Variants in MGMT observed in about 807,000 individuals in gnomAD.
MGMT encodes methylated-DNA--protein-cysteine methyltransferase.
MGMT carries 14 observed loss-of-function variants against 15.9 expected under a neutral mutation model. The ratio of observed to expected loss-of-function variants is 0.88; its 90% CI spans 0.58 to 1.37. MGMT has a LOEUF of 1.37. Ranked by LOEUF, MGMT falls within the 40% of genes most tolerant of loss-of-function variation. The probability of loss-of-function intolerance (pLI) is 0.00; values close to 1 mark genes in which losing one functional copy is unlikely to be tolerated. For synonymous variants in MGMT, 130 were observed against 118.2 expected, an observed-to-expected ratio of 1.10 and a Z score of -0.65; for missense variants, 282 against 268.1, an observed-to-expected ratio of 1.05 and a Z score of -0.36.
chr10:129,548,786 G>C (rs1846124472), intron 2 of MGMT, among the ~76,000 whole-genome samples: 1 of 152,132 alleles, frequency 6.6e-6, no homozygotes, highest in Non-Finnish European at 1.5e-5. Flanking sequence ...GCAAATAAGT[G>C]CAAGGACCAT....
intron 2 of MGMT, among the ~76,000 whole-genome samples, chr10:129,616,318 A>G (rs1847026006): frequency 6.6e-6 from 1 of 152,208 alleles, no homozygotes; most frequent in South Asian, 2.1e-4. Context: ...AGAGCCGGAG[A>G]GGCCGCCCAG....
chr10:129,557,023 C>T (rs1017718657), intron 2 of MGMT, among the ~76,000 whole-genome samples: 2 of 152,212 alleles, frequency 1.3e-5, no homozygotes, highest in Admixed American at 6.5e-5. Context: ...GCATGCTCCA[C>T]AGTCAGACTC....
At chr10:129,551,366 G>C (rs534532709) in intron 2 of MGMT, among the ~76,000 whole-genome samples, 2 of 152,260 alleles carry the variant, frequency 1.3e-5, no homozygotes, top group South Asian at 2.1e-4. Flanking sequence ...AAGGTTAATA[G>C]ATAGGTAGGA....
intron 1 of MGMT, among the ~76,000 whole-genome samples, chr10:129,512,829 G>A (rs897014258): frequency 6.6e-6 from 1 of 152,138 alleles, no homozygotes; most frequent in Non-Finnish European, 1.5e-5. Flanking sequence ...AGCTGCTGTG[G>A]GACACTTCTG....
intron 2 of MGMT, among the ~76,000 whole-genome samples, chr10:129,677,058 G>A (rs147256807): frequency 6.6e-5 from 10 of 152,256 alleles, no homozygotes; most frequent in East Asian, 1.9e-4. Flanking sequence ...GGGGCAAAGC[G>A]GCTGATTCTG....
chr10:129,698,938 C>T (rs977654370), intron 2 of MGMT, among the ~76,000 whole-genome samples: 15 of 152,314 alleles, frequency 9.8e-5, no homozygotes, highest in Admixed American at 8.5e-4. Context: ...GTGCTTAAGC[C>T]TCATGGGCTT....
At chr10:129,616,893 T>TCGCTTGA (rs1847033972) in intron 2 of MGMT, among the ~76,000 whole-genome samples, 2 of 152,158 alleles carry the variant, frequency 1.3e-5, no homozygotes, top group South Asian at 4.1e-4. Context: ...TCATGGTCAC[T>TCGCTTGA]CGCTTGACGA....
At chr10:129,643,826 CA>C (rs1214828170) in intron 2 of MGMT, among the ~76,000 whole-genome samples, 1 of 152,190 alleles carries the variant, frequency 6.6e-6, no homozygotes, top group Non-Finnish European at 1.5e-5. Flanking sequence ...ATGCTTTTTA[CA>C]TTGACTTTTG....
Position 129,558,913 on chromosome 10 carries a change from G to C in MGMT, c.125+22536G>C, listed in dbSNP as rs74160226. 6.8e-3 allele frequency among the ~76,000 whole-genome samples: 1,033 copies of C among 152,276 alleles called. 17 individuals carry two copies. The highest frequency in any genetic ancestry group is 0.024 in the African/African-American group (998 of 41,544). On this transcript the variant is annotated intron_variant, in intron 2 of 4. Transcript: ENST00000651593. ...TAGGAAGCTGCATCCCCGACGCCGG[G>C]CTGGTCTGTTCTGCTCTGGGGGCGG...
intron 2 of MGMT, among the ~76,000 whole-genome samples, chr10:129,653,628 C>T (rs1227364450): frequency 2.0e-5 from 3 of 152,248 alleles, no homozygotes; most frequent in Non-Finnish European, 4.4e-5. Context: ...CAGCACTGGA[C>T]TGGCCCACCC....
chr10:129,705,215 C>T (rs1205417001), intron 2 of MGMT, among the ~76,000 whole-genome samples: 1 of 152,236 alleles, frequency 6.6e-6, no homozygotes, highest in Non-Finnish European at 1.5e-5. Context: ...TAGGCATTTA[C>T]TCAGGCAGAA....
chr10:129,596,030 C>T (rs1324481294), intron 2 of MGMT, among the ~76,000 whole-genome samples: 1 of 152,122 alleles, frequency 6.6e-6, no homozygotes, highest in Non-Finnish European at 1.5e-5. Context: ...AGTCAGACTA[C>T]GGAGGCTTGA....
intron 2 of MGMT, among the ~76,000 whole-genome samples, chr10:129,619,848 A>G (rs1243549185): frequency 2.0e-5 from 3 of 152,110 alleles, no homozygotes; most frequent in Admixed American, 6.5e-5. Context: ...CTGGAATGGT[A>G]CTTCCCACCT....
At chr10:129,615,844 G>A (rs1219104514) in intron 2 of MGMT, among the ~76,000 whole-genome samples, 1 of 152,098 alleles carries the variant, frequency 6.6e-6, no homozygotes, top group East Asian at 1.9e-4. Context: ...AAGGGTCCAG[G>A]TATAAGAAGA....
chr10:129,614,977 T>G (rs1349020939), intron 2 of MGMT, among the ~76,000 whole-genome samples: 1 of 152,164 alleles, frequency 6.6e-6, no homozygotes, highest in African/African-American at 2.4e-5. Context: ...TTGTTTTTTG[T>G]TTTTCCTATC....
At chr10:129,673,005 C>A (rs1364842279) in intron 2 of MGMT, among the ~76,000 whole-genome samples, 1 of 152,184 alleles carries the variant, frequency 6.6e-6, no homozygotes, top group Non-Finnish European at 1.5e-5. Flanking sequence ...ACGATCAGAG[C>A]AGGGCTGTGG....
At chr10:129,613,745 C>T (rs1846988954) in intron 2 of MGMT, among the ~76,000 whole-genome samples, 1 of 152,200 alleles carries the variant, frequency 6.6e-6, no homozygotes. Flanking sequence ...TGGGTCCTGT[C>T]CCTCTGTGCC....
chr10:129,748,369 C>G (rs190783650), intron 3 of MGMT, among the ~76,000 whole-genome samples: 1 of 152,108 alleles, frequency 6.6e-6, no homozygotes, highest in Non-Finnish European at 1.5e-5. Flanking sequence ...GTCCCTTTGT[C>G]GTACTCTCCT....
chr10:129,754,677 G>T (rs1246564970), intron 3 of MGMT, among the ~76,000 whole-genome samples: 1 of 152,222 alleles, frequency 6.6e-6, no homozygotes, highest in Non-Finnish European at 1.5e-5. Context: ...AGAGCATGAC[G>T]CCGGCATCTG....
Sources: allele counts gnomAD v4.1 joint callset (sites outside exome capture counted in the v4.1 genomes callset), GRCh38; gene constraint gnomAD v4.1.1; transcripts MANE v1.5; gene names NCBI Gene and HGNC (gene_info 2026-07-23, HGNC 2026-07-21).